The following VWC2 variants were observed in gnomAD, a reference collection of about 807,000 sequenced individuals.
VWC2 encodes the protein von Willebrand factor C domain containing 2.
A neutral mutation model predicts 29.8 loss-of-function variants in VWC2; 14 were observed. That is an observed-to-expected ratio of 0.47 (90% CI 0.31 to 0.74). The LOEUF is 0.74. Ranked by LOEUF, VWC2 falls within the 30% of genes least tolerant of loss-of-function variation. The pLI is 0.05. For synonymous variants in VWC2, 213 were observed against 199.0 expected (o/e 1.07, Z -0.59); for missense variants, 457 against 459.8 (o/e 0.99, Z 0.05).
intron 2 of VWC2, among the ~76,000 whole-genome samples, chr7:49,784,748 G>A (rs1282484103): frequency 6.6e-6 from 1 of 152,200 alleles, no homozygotes; most frequent in African/African-American, 2.4e-5. Context: ...GGTCTGCAAA[G>A]TCCAAATGGA....
At chr7:49,877,478 AAAAAT>A (rs1161190979) in intron 3 of VWC2, among the ~76,000 whole-genome samples, 28 of 39,140 alleles carry the variant, frequency 7.2e-4, no homozygotes, top group South Asian at 1.2e-3. Context: ...AAAAAAAAAA[AAAAAT>A]ATATATATAT....
intron 3 of VWC2, among the ~76,000 whole-genome samples, chr7:49,830,061 T>C (rs527265174): frequency 1.3e-5 from 2 of 152,358 alleles, no homozygotes; most frequent in East Asian, 3.9e-4. Flanking sequence ...CCAACTACTC[T>C]ATATTTTTCT....
At chr7:49,911,970 A>G (rs1696506364) in intron 3 of VWC2, 64 bp from the exon 4 acceptor site, 2 of 1,129,016 alleles carry the variant, frequency 1.8e-6, no homozygotes, top group African/African-American at 3.6e-5. Flanking sequence ...AATGCTTAAT[A>G]CCTAATTATA....
In VWC2 at chr7:49,775,386, G is replaced by T; in HGVS notation, c.-50G>T. On this transcript the variant is annotated 5_prime_UTR_variant, in exon 2 of 4. Coordinates refer to ENST00000340652, the MANE Select transcript of VWC2 (RefSeq NM_198570.5). ...CGCCCCCGGGCTGTGAATGCGACTC[G>T]CCCCTCGGCCGCGCTCCCCGCCCGC... 2.3e-6 allele frequency: 3 copies of T among 1,317,470 alleles called. No individual in the cohort carries two copies. The highest frequency in any genetic ancestry group is 2.9e-6 in the Non-Finnish European group (3 of 1,035,476). 81.6% of individuals were successfully genotyped at this position (1,317,470 alleles called of 1,614,324 possible).
intron 3 of VWC2, among the ~76,000 whole-genome samples, chr7:49,847,606 C>A (rs1050719337): frequency 1.3e-5 from 2 of 152,150 alleles, no homozygotes; most frequent in African/African-American, 4.8e-5. Context: ...AGAGGGTGTT[C>A]TATTGAGGAA....
At chr7:49,849,052 G>A (rs1362785983) in intron 3 of VWC2, among the ~76,000 whole-genome samples, 1 of 152,144 alleles carries the variant, frequency 6.6e-6, no homozygotes, top group African/African-American at 2.4e-5. Context: ...CTTCATGTAT[G>A]ACAAATGTGT....
chr7:49,802,682 A>G (rs1405462440), intron 2 of VWC2, 29 bp from the exon 3 acceptor site: 1 of 1,613,856 alleles, frequency 6.2e-7, no homozygotes, highest in Admixed American at 1.7e-5. Context: ...ACAGCAGGCT[A>G]AAGTGCTGAT....
At chr7:49,850,084 T>C (rs1790116041) in intron 3 of VWC2, among the ~76,000 whole-genome samples, 1 of 152,078 alleles carries the variant, frequency 6.6e-6, no homozygotes, top group Admixed American at 6.5e-5. Context: ...CCACAACATG[T>C]TGCTGTAGAA....
Position 49,775,685 on chromosome 7 carries a change from C to A in VWC2, c.250C>A (p.Leu84Ile), listed in dbSNP as rs1383879806. 3 of 1,523,876 alleles carry A rather than the reference C, an allele frequency of 2.0e-6. No homozygotes were observed. Among genetic ancestry groups the A allele is most frequent in the Admixed American group, 4.1e-5 (2 of 49,190 alleles). The allele number at this position is 1,523,876 out of a possible 1,614,324, so 94.4% of individuals were successfully genotyped here. A position where few individuals can be genotyped will look rare whatever the true frequency, so the allele number is the denominator to read the frequency against. Residue 84 changes from leucine (L) to isoleucine (I), a missense_variant, in exon 2 of 4, where the codon CTC (leucine) becomes ATC (isoleucine). Transcript: ENST00000340652. ...RDWKSKSGRG[L>I]AGREPWSKLK... ...CTGGAAGAGCAAGAGCGGCCGTGGG[C>A]TCGCCGGCCGTGAGCCGTGGAGCAA...
chr7:49,882,964 G>A (rs1583748774), intron 3 of VWC2, among the ~76,000 whole-genome samples: 1 of 151,806 alleles, frequency 6.6e-6, no homozygotes, highest in African/African-American at 2.4e-5. Context: ...CCTGTCAATC[G>A]CCTCCGTGTT....
intron 3 of VWC2, among the ~76,000 whole-genome samples, chr7:49,837,457 C>G (rs151064042): frequency 6.6e-6 from 1 of 152,160 alleles, no homozygotes; most frequent in Non-Finnish European, 1.5e-5. Context: ...TTGGGTCCCC[C>G]CTTATTAGCT....
At chr7:49,815,661 G>GA (rs1756037557) in intron 3 of VWC2, among the ~76,000 whole-genome samples, 1 of 152,126 alleles carries the variant, frequency 6.6e-6, no homozygotes, top group South Asian at 2.1e-4. Context: ...CCCTTGATGT[G>GA]AAAACCAATG....
rs114706518 is a variant in VWC2, at chr7:49,848,416, G to A, written c.826+45576G>A. 7.7e-3 allele frequency among the ~76,000 whole-genome samples: 1,171 copies of A among 152,306 alleles called. 23 individuals carry two copies. The highest frequency in any genetic ancestry group is 0.027 in the African/African-American group (1,108 of 41,562). ...GTGTGTGAGAGCCGGGCATGGCCCC[G>A]GACCAGCTGTGCATCCCAGGACACA... On this transcript the variant is annotated intron_variant, in intron 3 of 3. Transcript: ENST00000340652.
chr7:49,810,677 G>A (rs529378748), intron 3 of VWC2, among the ~76,000 whole-genome samples: 4 of 152,104 alleles, frequency 2.6e-5, no homozygotes, highest in African/African-American at 4.8e-5. Context: ...AAAGATAGAC[G>A]ATGGAAAAGA....
intron 3 of VWC2, among the ~76,000 whole-genome samples, chr7:49,836,890 A>G (rs1789679266): frequency 6.6e-6 from 1 of 152,196 alleles, no homozygotes; most frequent in Non-Finnish European, 1.5e-5. Flanking sequence ...CTCACTTGAT[A>G]TGTCACAATT....
chr7:49,803,387 C>A (rs180775863), intron 3 of VWC2, among the ~76,000 whole-genome samples: 2 of 152,150 alleles, frequency 1.3e-5, no homozygotes, highest in African/African-American at 4.8e-5. Context: ...TCCTGACAAA[C>A]GATGATTACT....
intron 2 of VWC2, among the ~76,000 whole-genome samples, chr7:49,790,651 T>G (rs769606): frequency 0.84 from 127,131 of 151,678 alleles, 53,524 homozygotes; most frequent in East Asian, 0.97. Flanking sequence ...TTCTGTGCCT[T>G]CCTGGATTGA....
At chr7:49,866,674 T>C (rs1790906314) in intron 3 of VWC2, among the ~76,000 whole-genome samples, 1 of 152,228 alleles carries the variant, frequency 6.6e-6, no homozygotes, top group Admixed American at 6.5e-5. Flanking sequence ...GTGCCTCATT[T>C]GCAGGATTGT....
intron 2 of VWC2, among the ~76,000 whole-genome samples, chr7:49,795,736 C>G (rs947148243): frequency 2.0e-5 from 3 of 152,198 alleles, no homozygotes; most frequent in African/African-American, 7.2e-5. Context: ...GTCTTTCCAA[C>G]CATTTCTTTC....
Sources: allele counts gnomAD v4.1 joint callset (sites outside exome capture counted in the v4.1 genomes callset), GRCh38; gene constraint gnomAD v4.1.1; transcripts MANE v1.5; gene names NCBI Gene and HGNC (gene_info 2026-07-23, HGNC 2026-07-21).